The following AP4S1 variants were observed in gnomAD, a reference collection of about 807,000 sequenced individuals.
The protein encoded by AP4S1 is adaptor related protein complex 4 subunit sigma 1, also known as AP-4 complex subunit sigma-1.
A neutral mutation model predicts 19.8 loss-of-function variants in AP4S1; 23 were observed. The ratio of observed to expected loss-of-function variants is 1.16; its 90% CI spans 0.84 to 1.65. The LOEUF is 1.65. Among genes scored for constraint, AP4S1 ranks in the 40% most tolerant of loss-of-function variants. AP4S1 has a pLI of 0.00. For missense variants in AP4S1, 166 were observed against 172.8 expected, an observed-to-expected ratio of 0.96 and a Z score of 0.22; for synonymous variants, 46 against 54.1, an observed-to-expected ratio of 0.85 and a Z score of 0.66.
At chr14:31,063,857 G>T (rs1886572243) in intron 1 of AP4S1, among the ~76,000 whole-genome samples, 1 of 152,130 alleles carries the variant, frequency 6.6e-6, no homozygotes. Flanking sequence ...GGCCATCTTT[G>T]CAACTTTACT....
At chr14:31,063,847 G>T (rs968481566) in intron 1 of AP4S1, among the ~76,000 whole-genome samples, 1 of 152,130 alleles carries the variant, frequency 6.6e-6, no homozygotes, top group Non-Finnish European at 1.5e-5. Context: ...TGCTAACAAT[G>T]GCCATCTTTG....
In AP4S1 at chr14:31,066,213, T is replaced by C. The variant is rs1335804396; in HGVS notation, c.17T>C (p.Leu6Pro). ...GAAAGAAAAATGATAAAATTTTTCC[T>C]CATGGTGAATAAACAAGGGCAGACT... MIKFF[L>P]MVNKQGQTRL... The change falls in exon 2 of 6, where the codon CTC (leucine) becomes CCC (proline). Residue 6 changes from leucine (L) to proline (P), a missense_variant. Coordinates refer to ENST00000542754, the MANE Select transcript of AP4S1 (RefSeq NM_001128126.3). The C allele has an allele frequency of 6.2e-7, 1 of 1,613,922 alleles. No homozygotes were observed. Among genetic ancestry groups the C allele is most frequent in the Non-Finnish European group, 8.5e-7 (1 of 1,179,982 alleles).
At chr14:31,084,525 C>T (rs992900720) in intron 5 of AP4S1, among the ~76,000 whole-genome samples, 1 of 152,206 alleles carries the variant, frequency 6.6e-6, no homozygotes, top group African/African-American at 2.4e-5. Context: ...TTAGTGGAAA[C>T]CTCTGGTGCA....
At chr14:31,040,546 A>G (rs916746229) in intron 1 of AP4S1, among the ~76,000 whole-genome samples, 1 of 152,186 alleles carries the variant, frequency 6.6e-6, no homozygotes, top group African/African-American at 2.4e-5. Context: ...ATCCTAATGC[A>G]GTGCTGTTAG....
chr14:31,096,111 AGTAG>A lies in AP4S1; in HGVS notation c.*3077_*3080del, dbSNP rs1888196023. 1.2e-4 allele frequency: 18 copies of A among 151,136 alleles called. No homozygotes were observed. Among genetic ancestry groups the A allele is most frequent in the African/African-American group, 4.4e-4 (18 of 41,138 alleles). 9.4% of individuals were successfully genotyped at this position (151,136 alleles called of 1,614,324 possible). ...TCTCAAAAAAAAAAAAAAAAAAAAA[AGTAG>A]AAAGCAAGAAAGTGTCTCTGTACAG... On this transcript the variant is annotated 3_prime_UTR_variant, in exon 6 of 6. Transcript: ENST00000542754.
intron 5 of AP4S1, chr14:31,084,702 C>G: frequency 6.2e-7 from 1 of 1,605,862 alleles, no homozygotes; most frequent in Non-Finnish European, 8.5e-7. Flanking sequence ...GGAGACTTTG[C>G]CCCATCACAT....
At chr14:31,074,324 CAAATAAATAAAT>C (rs138770796) in intron 4 of AP4S1, among the ~76,000 whole-genome samples, 16,898 of 139,010 alleles carry the variant, frequency 0.12, 1,172 homozygotes, top group South Asian at 0.26. Context: ...GACTCCGTCT[CAAATAAATAAAT>C]AAATAAATAA....
intron 1 of AP4S1, among the ~76,000 whole-genome samples, chr14:31,050,067 A>C (rs1438954363): frequency 1.3e-5 from 2 of 152,030 alleles, no homozygotes; most frequent in Non-Finnish European, 2.9e-5. Flanking sequence ...GATTACAGGC[A>C]TGCGCCACCA....
intron 1 of AP4S1, among the ~76,000 whole-genome samples, chr14:31,039,905 CA>C (rs1267122433): frequency 1.3e-5 from 2 of 152,092 alleles, no homozygotes; most frequent in African/African-American, 4.8e-5. Flanking sequence ...TGTAGTTTTA[CA>C]GTATTATTTT....
chr14:31,049,464 TATATATATGTACAC>T (rs1399663904), intron 1 of AP4S1, among the ~76,000 whole-genome samples: 2 of 57,468 alleles, frequency 3.5e-5, no homozygotes, highest in African/African-American at 1.4e-4. Flanking sequence ...TATATATATG[TATATATATGTACAC>T]ACACACACAC....
chr14:31,026,381 C>G lies in AP4S1; in HGVS notation c.-72+594C>G, dbSNP rs537030016. The G allele has an allele frequency of 7.0e-5, 32 of 460,214 alleles. 2 individuals are homozygous for G. The South Asian group carries it at 1.6e-3, about 23-fold the overall frequency. 28.5% of individuals were successfully genotyped at this position (460,214 alleles called of 1,614,324 possible). On this transcript the variant is annotated intron_variant, in intron 1 of 5. Transcript: ENST00000542754. ...GCCATTACAATCCCTCCTCCATCTG[C>G]CCGTCTCACTCACTCACTTTAGGGG...
intron 1 of AP4S1, among the ~76,000 whole-genome samples, chr14:31,049,698 C>T (rs1008482574): frequency 1.3e-5 from 2 of 151,504 alleles, no homozygotes; most frequent in Non-Finnish European, 1.5e-5. Context: ...TCTCTGTCAC[C>T]CAGGCTGGAG....
chr14:31,091,280 C>A (rs1888069371), intron 5 of AP4S1, among the ~76,000 whole-genome samples: 1 of 152,138 alleles, frequency 6.6e-6, no homozygotes, highest in South Asian at 2.1e-4. Context: ...GCTTTCATTG[C>A]CCTTAGTGAA....
chr14:31,083,251 G>C (rs1290269206), intron 5 of AP4S1, among the ~76,000 whole-genome samples: 2 of 152,044 alleles, frequency 1.3e-5, no homozygotes, highest in African/African-American at 4.8e-5. Context: ...CATTTTACCT[G>C]GTTTCATTTT....
At chr14:31,028,679 G>A (rs1449996720) in intron 1 of AP4S1, among the ~76,000 whole-genome samples, 1 of 151,918 alleles carries the variant, frequency 6.6e-6, no homozygotes, top group Non-Finnish European at 1.5e-5. Flanking sequence ...TTGGGAGGCC[G>A]AAGCGGGCAG....
rs1282433835 is a variant in AP4S1 at position 31,066,164 on chromosome 14, T to G, written c.-33T>G. ...CCATCCCTTGTCATAACTTTTGAAC[T>G]GTATTTGGAAAAATACTGGCCAGGA... On this transcript the variant is annotated 5_prime_UTR_variant, in exon 2 of 6. Coordinates refer to ENST00000542754, the MANE Select transcript of AP4S1 (RefSeq NM_001128126.3). 6.2e-7 allele frequency: 1 copy of G among 1,611,400 alleles called. No homozygotes were observed. Among genetic ancestry groups the G allele is most frequent in the Non-Finnish European group, 8.5e-7 (1 of 1,178,470 alleles).
chr14:31,093,126 A>G lies in AP4S1; in HGVS notation c.*91A>G. ...ATGTTAACCCAGAAGAATCTGGAAG[A>G]CCACAATTACAAAATGGGGTATCCT... On this transcript the variant is annotated 3_prime_UTR_variant, in exon 6 of 6. Coordinates refer to ENST00000542754, the MANE Select transcript of AP4S1 (RefSeq NM_001128126.3). 7.5e-7 allele frequency: 1 copy of G among 1,327,118 alleles called. No homozygotes were observed. The highest frequency in any genetic ancestry group is 1.0e-6 in the Non-Finnish European group (1 of 991,708). The allele number at this position is 1,327,118 out of a possible 1,614,324, so 82.2% of individuals were successfully genotyped here.
intron 3 of AP4S1, among the ~76,000 whole-genome samples, chr14:31,071,889 TTTTATTTATTTA>T (rs199990301): frequency 6.7e-6 from 1 of 148,278 alleles, no homozygotes; most frequent in Admixed American, 6.9e-5. Context: ...ATATTTTTAC[TTTTATTTATTTA>T]TTTATTTATT....
At chr14:31,047,105 G>T (rs139292945) in intron 1 of AP4S1, among the ~76,000 whole-genome samples, 16 of 152,044 alleles carry the variant, frequency 1.1e-4, no homozygotes, top group African/African-American at 3.6e-4. Context: ...AATGATTAAG[G>T]GTGTTGAACA....
Sources: gnomAD v4.1 joint callset for allele counts (sites outside exome capture counted in the v4.1 genomes callset) on GRCh38, gnomAD v4.1.1 for gene constraint, MANE v1.5 for transcripts, NCBI Gene and HGNC (gene_info 2026-07-23, HGNC 2026-07-21) for gene names.